Variants in VASH1 observed in about 807,000 individuals in gnomAD.
VASH1 encodes the protein tubulinyl-Tyr carboxypeptidase 1.
In VASH1, 16 loss-of-function variants were observed where a neutral mutation model predicts 35.0. That is an observed-to-expected ratio of 0.46 (90% CI 0.31 to 0.70). The LOEUF (loss-of-function observed/expected upper bound fraction) is 0.70, where lower values mean the gene tolerates loss of function less well. VASH1 is among the 30% of genes least tolerant of loss of function. VASH1 has a pLI of 0.05. For missense variants in VASH1, 505 were observed against 510.7 expected (o/e 0.99, Z 0.11); for synonymous variants, 214 against 200.9 (o/e 1.07, Z -0.55).
In VASH1 at chr14:76,775,177, A is replaced by G. The variant is rs372990199; in HGVS notation, c.531-715A>G. Among the ~76,000 whole-genome samples the G allele has an allele frequency of 3.9e-5, 6 of 152,226 alleles. No homozygotes were observed. In the East Asian group the frequency reaches 7.7e-4, roughly 20 times the overall value. On this transcript the variant is annotated intron_variant, in intron 4 of 6. Transcript: ENST00000167106. Reference sequence around the variant, plus strand: ...AGGAGACAAAATAAGCAAGTAAGGAAAAAGAAGCAGTAAACACTGGTCATG... The same window carrying G: ...AGGAGACAAAATAAGCAAGTAAGGAGAAAGAAGCAGTAAACACTGGTCATG...
intron 5 of VASH1, among the ~76,000 whole-genome samples, chr14:76,777,326 T>C (rs915678494): frequency 2.0e-5 from 3 of 152,178 alleles, no homozygotes; most frequent in African/African-American, 7.2e-5. Context: ...CTCTTGCTCC[T>C]CAGTTTGCTA....
chr14:76,772,358 C>T (rs944162364), intron 3 of VASH1, among the ~76,000 whole-genome samples: 13 of 152,228 alleles, frequency 8.5e-5, no homozygotes, highest in African/African-American at 3.1e-4. Context: ...AGCAAAATTA[C>T]TTAATTACAC....
rs565076585 is a variant in VASH1, at chr14:76,778,304, A to C, written c.1025+233A>C. On this transcript the variant is annotated intron_variant, in intron 6 of 6. Transcript: ENST00000167106. ...ACTCTGCTAGCCCACTAGTCTGAGCATGGGTTATGTGAGAGAAAAGGTAGA... is the reference window on the plus strand; with the variant it reads ...ACTCTGCTAGCCCACTAGTCTGAGCCTGGGTTATGTGAGAGAAAAGGTAGA... Among the ~76,000 whole-genome samples, 120 of 152,282 alleles carry C rather than the reference A, an allele frequency of 7.9e-4. No homozygotes were observed. The Middle Eastern group carries it at 0.01, about 13-fold the overall frequency.
Position 76,779,246 on chromosome 14 carries a change from A to G in VASH1, c.*228A>G. 2 of 698,060 alleles carry G rather than the reference A, an allele frequency of 2.9e-6. No individual in the cohort carries two copies. The highest frequency in any genetic ancestry group is 2.7e-5 in the East Asian group (1 of 37,260). The allele number at this position is 698,060 out of a possible 1,614,324, so 43.2% of individuals were successfully genotyped here. On this transcript the variant is annotated 3_prime_UTR_variant, in exon 7 of 7. Coordinates refer to ENST00000167106, the MANE Select transcript of VASH1 (RefSeq NM_014909.5). ...TATTTTATTTGGAGTTTTTAACTCT[A>G]CAACTGAAGTTTAAGGTATTTGGGG...
At chr14:76,773,908 GAAC>G (rs1211866088) in intron 4 of VASH1, 3 of 152,190 alleles carry the variant, frequency 2.0e-5, no homozygotes, top group African/African-American at 7.2e-5. Flanking sequence ...GTGAAACCTA[GAAC>G]AACATCATGA....
chr14:76,776,465 G>C (rs926064764), intron 5 of VASH1, among the ~76,000 whole-genome samples, 192 bp downstream of exon 5: 22 of 152,136 alleles, frequency 1.4e-4, no homozygotes, highest in African/African-American at 5.1e-4. Context: ...GAGGAGGTGG[G>C]TGGGCTGGGT....
intron 4 of VASH1, 99 bp from the exon 5 acceptor site, chr14:76,775,793 G>A: frequency 6.9e-7 from 1 of 1,448,476 alleles, no homozygotes; most frequent in Non-Finnish European, 9.1e-7. Flanking sequence ...GCACCCCAAG[G>A]CTGGCGGTGC....
At position 76,762,675 on chromosome 14, in the gene VASH1, T is replaced by G; in HGVS notation, c.-147T>G. The G allele has an allele frequency of 1.6e-6, 1 of 614,814 alleles. No homozygotes were observed. The highest frequency in any genetic ancestry group is 2.5e-6 in the Non-Finnish European group (1 of 399,288). The allele number at this position is 614,814 out of a possible 1,614,324, so 38.1% of individuals were successfully genotyped here. A position where few individuals can be genotyped will look rare whatever the true frequency, so the allele number is the denominator to read the frequency against. ...TATTGCACTGATTTTTTTTATCAAG[T>G]CGTATTTTATTGTACAGGAGCCACG... On this transcript the variant is annotated 5_prime_UTR_variant, in exon 1 of 7. Coordinates refer to ENST00000167106, the MANE Select transcript of VASH1 (RefSeq NM_014909.5).
At chr14:76,763,305 G>C (rs1011859155) in intron 1 of VASH1, among the ~76,000 whole-genome samples, 175 bp downstream of exon 1, 3 of 152,154 alleles carry the variant, frequency 2.0e-5, no homozygotes, top group Admixed American at 1.3e-4. Flanking sequence ...GCCATTCTAG[G>C]AGGGAGGCTC....
At chr14:76,772,744 G>T (rs1022737297) in intron 3 of VASH1, among the ~76,000 whole-genome samples, 13 of 152,242 alleles carry the variant, frequency 8.5e-5, no homozygotes, top group African/African-American at 2.9e-4. Context: ...GCTTCAGAAG[G>T]GAAGAGATCG....
chr14:76,775,962 T>C lies in VASH1; in HGVS notation c.601T>C (p.Tyr201His). Residue 201 changes from tyrosine to histidine, a missense_variant, in exon 5 of 7, where the codon TAC becomes CAC. Coordinates refer to ENST00000167106, the MANE Select transcript of VASH1 (RefSeq NM_014909.5). ...ISFKTYFSGN[Y>H]FRHIVLGVNF... is the part of the protein sequence containing the mutation. ...CTTCAAGACCTACTTCTCAGGGAAC[T>C]ACTTCCGCCACATCGTGCTGGGGGT... The C allele has an allele frequency of 6.2e-7, 1 of 1,610,550 alleles. No individual in the cohort carries two copies. The highest frequency in any genetic ancestry group is 8.5e-7 in the Non-Finnish European group (1 of 1,178,724).
intron 2 of VASH1, 73 bp downstream of exon 2, chr14:76,770,124 A>G (rs1469763439): frequency 1.4e-6 from 2 of 1,442,818 alleles, no homozygotes; most frequent in Non-Finnish European, 9.6e-7. Flanking sequence ...GCAGAGCTGG[A>G]GAGGTATCAG....
At chr14:76,770,079 C>T (rs1893750543) in intron 2 of VASH1, 28 bp downstream of exon 2, 1 of 1,602,690 alleles carries the variant, frequency 6.2e-7, no homozygotes, top group Non-Finnish European at 8.5e-7. Context: ...GGGTCATGGC[C>T]ACCTTCTGGC....
chr14:76,780,533 TG>T lies in VASH1; in HGVS notation c.*1516del. 1 of 152,438 alleles carries T rather than the reference TG, an allele frequency of 6.6e-6. No individual in the cohort carries two copies. The highest frequency in any genetic ancestry group is 6.5e-5 in the Admixed American group (1 of 15,292). The allele number at this position is 152,438 out of a possible 1,614,324, so 9.4% of individuals were successfully genotyped here. On this transcript the variant is annotated 3_prime_UTR_variant, in exon 7 of 7. Coordinates refer to ENST00000167106, the MANE Select transcript of VASH1 (RefSeq NM_014909.5). ...ACACAAGGAAGAGCAGAACTAGGGT[TG>T]TAAGCTCAAATGACGAGCAAACGGT...
At chr14:76,773,612 G>A (rs1190945433) in intron 4 of VASH1, 16 of 306,988 alleles carry the variant, frequency 5.2e-5, no homozygotes, top group Non-Finnish European at 8.2e-5. Context: ...ATTTCTGGAC[G>A]AGATATTAAA....
At chr14:76,768,012 C>T (rs1893688957) in intron 1 of VASH1, among the ~76,000 whole-genome samples, 2 of 152,202 alleles carry the variant, frequency 1.3e-5, no homozygotes, top group South Asian at 4.1e-4. Context: ...GGAGGGTGTA[C>T]TACAATCTTT....
chr14:76,779,677 G>A lies in VASH1; in HGVS notation c.*659G>A, dbSNP rs2280795. 7,396 of 598,258 alleles carry A rather than the reference G, an allele frequency of 0.012. 365 individuals carry two copies. The East Asian group carries it at 0.13, about 11-fold the overall frequency. The allele number at this position is 598,258 out of a possible 1,614,324, so 37.1% of individuals were successfully genotyped here. ...TGGGCAGTGCTGTGTGGGCAGAGGA[G>A]GGGTGATATGAGAGCGAGCCCAGGG... On this transcript the variant is annotated 3_prime_UTR_variant, in exon 7 of 7. Transcript: ENST00000167106.
Position 76,778,020 on chromosome 14 carries a change from C to CGCA in VASH1, c.977_979dup (p.Gln326dup). The CGCA allele has an allele frequency of 6.5e-7, 1 of 1,543,342 alleles. No individual in the cohort carries two copies. The highest frequency in any genetic ancestry group is 2.6e-5 in the East Asian group (1 of 38,646). ...GACCGGAAGAAGGATGTTTCTTCCC[C>CGCA]GCAGCGGGCCCAGTCCAGCCCCCAC... is the stretch of plus-strand genomic sequence containing the variant. On this transcript the variant is annotated inframe_insertion, in exon 6 of 7. Transcript: ENST00000167106.
chr14:76,778,160 TC>T, intron 6 of VASH1, 89 bp downstream of exon 6: 2 of 964,872 alleles, frequency 2.1e-6, no homozygotes, highest in Non-Finnish European at 1.4e-6. Flanking sequence ...TTTATCTCTC[TC>T]CCACCCTTCT....
Sources: allele counts gnomAD v4.1 joint callset (sites outside exome capture counted in the v4.1 genomes callset), GRCh38; gene constraint gnomAD v4.1.1; transcripts MANE v1.5; gene names NCBI Gene and HGNC (gene_info 2026-07-23, HGNC 2026-07-21).